Variants in CDH12 observed in about 807,000 individuals in gnomAD.
The protein encoded by CDH12 is cadherin 12, also known as cadherin-12.
In CDH12, 41 loss-of-function variants were observed where a neutral mutation model predicts 74.1. The observed-to-expected ratio is 0.55, with a 90% CI of 0.43 to 0.72. The LOEUF is 0.72. Ranked by LOEUF, CDH12 falls within the 30% of genes least tolerant of loss-of-function variation. The pLI, the probability that CDH12 is intolerant of heterozygous loss-of-function variation, is 0.00. For synonymous variants in CDH12, 399 were observed against 355.0 expected, an observed-to-expected ratio of 1.12 and a Z score of -1.39; for missense variants, 945 against 977.2, an observed-to-expected ratio of 0.97 and a Z score of 0.44.
intron 5 of CDH12, among the ~76,000 whole-genome samples, chr5:22,037,325 C>G (rs1354771288): frequency 2.0e-5 from 3 of 152,152 alleles, no homozygotes; most frequent in Non-Finnish European, 4.4e-5. Context: ...ATTCTAAAGA[C>G]AGTCAAAGAA....
chr5:22,598,458 T>A lies in CDH12; in HGVS notation c.-522-93094A>T, dbSNP rs148839443. 3.6e-3 allele frequency among the ~76,000 whole-genome samples: 550 copies of A among 152,240 alleles called. 1 individual carries two copies. The highest frequency in any genetic ancestry group is 0.01 in the African/African-American group (423 of 41,560). On this transcript the variant is annotated intron_variant, in intron 1 of 14. Coordinates refer to ENST00000382254, the MANE Select transcript of CDH12 (RefSeq NM_004061.5). ...CACTCTCTATCCTGCAGCCCTGTGA[T>A]GAGGTGCCTTCCACCATGATTACAA...
At chr5:22,371,794 A>C (rs1029207030) in intron 3 of CDH12, among the ~76,000 whole-genome samples, 9 of 152,212 alleles carry the variant, frequency 5.9e-5, no homozygotes, top group African/African-American at 1.9e-4. Flanking sequence ...AAAGAAAGAA[A>C]GATTTTGGCT....
At chr5:22,657,934 T>C (rs1487414) in intron 1 of CDH12, among the ~76,000 whole-genome samples, 84,945 of 151,972 alleles carry the variant, frequency 0.56, 24,434 homozygotes, top group East Asian at 0.63. Flanking sequence ...CAGAAGAGTA[T>C]GTATTACTTA....
At chr5:22,061,185 T>G (rs1741164065) in intron 5 of CDH12, among the ~76,000 whole-genome samples, 1 of 152,166 alleles carries the variant, frequency 6.6e-6, no homozygotes, top group Non-Finnish European at 1.5e-5. Context: ...TAGGAAATTT[T>G]CTTATGAAAT....
chr5:22,330,744 CAAAAAAAAAAAA>C (rs1212274101), intron 3 of CDH12, among the ~76,000 whole-genome samples: 1 of 52,354 alleles, frequency 1.9e-5, no homozygotes, highest in East Asian at 5.3e-4. Context: ...AGCGAGACTC[CAAAAAAAAAAAA>C]AAAAAAAAAG....
At chr5:22,673,110 C>A (rs1056466268) in intron 1 of CDH12, among the ~76,000 whole-genome samples, 1 of 151,994 alleles carries the variant, frequency 6.6e-6, no homozygotes, top group African/African-American at 2.4e-5. Context: ...ATTGTGATAC[C>A]TCCAGTCTTT....
chr5:22,133,671 T>C lies in CDH12; in HGVS notation c.-186-54809A>G, dbSNP rs192102382. On this transcript the variant is annotated intron_variant, in intron 4 of 14. Transcript: ENST00000382254. ...GAATGTATTTACAAGTCATCCTGCA[T>C]GTAAAAGAAGCAATTTCATGTGGAT... 4.5e-4 allele frequency among the ~76,000 whole-genome samples: 69 copies of C among 152,226 alleles called. 1 individual carries two copies. In the East Asian group the frequency reaches 0.012, roughly 26 times the overall value.
intron 4 of CDH12, among the ~76,000 whole-genome samples, chr5:22,140,222 T>C (rs1006460722): frequency 2.6e-5 from 4 of 152,134 alleles, no homozygotes; most frequent in African/African-American, 7.2e-5. Flanking sequence ...CTCCAAGGTA[T>C]ACCTAAGTGT....
At chr5:22,695,679 C>A (rs886431485) in intron 1 of CDH12, among the ~76,000 whole-genome samples, 8 of 152,146 alleles carry the variant, frequency 5.3e-5, no homozygotes, top group African/African-American at 1.9e-4. Context: ...TAAAACATAG[C>A]AATTTTTTTA....
chr5:21,851,209 C>G (rs1232707806), intron 7 of CDH12, among the ~76,000 whole-genome samples: 2 of 151,154 alleles, frequency 1.3e-5, no homozygotes, highest in Admixed American at 6.6e-5. Context: ...TGAACTCAGA[C>G]TAGTTATTTA....
intron 3 of CDH12, among the ~76,000 whole-genome samples, chr5:22,272,064 T>C (rs1330253787): frequency 2.0e-5 from 3 of 152,232 alleles, no homozygotes; most frequent in Non-Finnish European, 2.9e-5. Flanking sequence ...AAAAAAGTTG[T>C]AGATGGGATC....
At chr5:22,711,708 T>C (rs1743297056) in intron 1 of CDH12, among the ~76,000 whole-genome samples, 1 of 152,078 alleles carries the variant, frequency 6.6e-6, no homozygotes, top group East Asian at 1.9e-4. Flanking sequence ...AAACAATCTA[T>C]CAATTTACTT....
intron 3 of CDH12, among the ~76,000 whole-genome samples, chr5:22,358,334 G>A (rs1022726492): frequency 9.6e-4 from 4 of 4,174 alleles, no homozygotes; most frequent in African/African-American, 2.2e-3. Context: ...ACTTGAACCC[G>A]GAGGCGGAGG....
At chr5:22,233,853 G>T (rs1194607573) in intron 3 of CDH12, among the ~76,000 whole-genome samples, 2 of 152,140 alleles carry the variant, frequency 1.3e-5, no homozygotes, top group Non-Finnish European at 2.9e-5. Context: ...ATGTCCCATA[G>T]TCACAGTTTG....
At chr5:21,934,128 T>TCA (rs367663462) in intron 6 of CDH12, among the ~76,000 whole-genome samples, 297 of 150,672 alleles carry the variant, frequency 2.0e-3, no homozygotes, top group Non-Finnish European at 3.5e-3. Context: ...ACACACACAC[T>TCA]CACACACACA....
At chr5:21,888,148 G>C (rs1313679627) in intron 6 of CDH12, among the ~76,000 whole-genome samples, 1 of 152,078 alleles carries the variant, frequency 6.6e-6, no homozygotes, top group Non-Finnish European at 1.5e-5. Flanking sequence ...TGCAACCGGA[G>C]GTTAAGTTCT....
intron 5 of CDH12, among the ~76,000 whole-genome samples, chr5:22,062,917 T>A (rs73068909): frequency 0.018 from 2,673 of 152,240 alleles, 78 homozygotes; most frequent in African/African-American, 0.06. Flanking sequence ...ACTTTCAAAG[T>A]AAACTGCATG....
chr5:21,975,348 T>G lies in CDH12; in HGVS notation c.269A>C (p.Lys90Thr). 1 of 1,597,096 alleles carries G rather than the reference T, an allele frequency of 6.3e-7. No homozygotes were observed. Among genetic ancestry groups the G allele is most frequent in the Non-Finnish European group, 8.5e-7 (1 of 1,179,560 alleles). The change falls in exon 6 of 15, where the codon AAA (lysine) becomes ACA (threonine). Residue 90 changes from lysine (K) to threonine (T), a missense_variant. Coordinates refer to ENST00000382254, the MANE Select transcript of CDH12 (RefSeq NM_004061.5). ...SDLDKGEGTV[K>T]YTLSGDGAGT... The stretch of plus-strand genomic sequence containing the variant: ...AGCGCCATCTCCTGAGAGGGTGTAT[T>G]TCACAGTGCCCTCTCCCTTGTCTAA...
chr5:22,236,423 A>G (rs1187541244), intron 3 of CDH12, among the ~76,000 whole-genome samples: 1 of 152,068 alleles, frequency 6.6e-6, no homozygotes, highest in Non-Finnish European at 1.5e-5. Context: ...TAAACTTTTG[A>G]AACTTTTTAT....
Sources: gnomAD v4.1 joint callset for allele counts (sites outside exome capture counted in the v4.1 genomes callset) on GRCh38, gnomAD v4.1.1 for gene constraint, MANE v1.5 for transcripts, NCBI Gene and HGNC (gene_info 2026-07-23, HGNC 2026-07-21) for gene names.